Variants in LRRC2 observed in about 807,000 individuals in gnomAD.
LRRC2 encodes leucine-rich repeat-containing protein 2.
A neutral mutation model predicts 40.2 loss-of-function variants in LRRC2; 27 were observed. That is an observed-to-expected ratio of 0.67 (90% CI 0.49 to 0.93). The LOEUF is 0.93. Ranked by LOEUF, LRRC2 falls within the 40% of genes least tolerant of loss-of-function variation. The probability of loss-of-function intolerance (pLI) is 0.00; values close to 1 mark genes in which losing one functional copy is unlikely to be tolerated. For synonymous variants in LRRC2, 147 were observed against 158.9 expected, an observed-to-expected ratio of 0.92 and a Z score of 0.56; for missense variants, 402 against 439.6, an observed-to-expected ratio of 0.91 and a Z score of 0.76.
intron 6 of LRRC2, among the ~76,000 whole-genome samples, 183 bp from the exon 7 acceptor site, chr3:46,527,764 GT>G (rs1304216063): frequency 2.0e-5 from 3 of 151,220 alleles, no homozygotes; most frequent in Non-Finnish European, 2.9e-5. Flanking sequence ...GTGTTATTAT[GT>G]TGCCCAGGTT....
At chr3:46,539,734 G>A (rs559220573) in intron 3 of LRRC2, among the ~76,000 whole-genome samples, 27 of 152,290 alleles carry the variant, frequency 1.8e-4, no homozygotes, top group African/African-American at 6.3e-4. Context: ...TTCCAGTCAC[G>A]CCACCTCCCT....
intron 8 of LRRC2, among the ~76,000 whole-genome samples, chr3:46,519,987 A>G (rs772606736): frequency 2.6e-4 from 40 of 152,092 alleles, no homozygotes; most frequent in Non-Finnish European, 5.0e-4. Flanking sequence ...CATGTGTTCA[A>G]TCTAATACAT....
At chr3:46,542,377 G>A (rs1193613761) in intron 3 of LRRC2, among the ~76,000 whole-genome samples, 2 of 151,864 alleles carry the variant, frequency 1.3e-5, no homozygotes, top group African/African-American at 4.8e-5. Flanking sequence ...GCACCTGTTG[G>A]TTCCAGCTAC....
intron 4 of LRRC2, 133 bp downstream of exon 4, chr3:46,538,912 C>A: frequency 1.1e-6 from 1 of 947,210 alleles, no homozygotes; most frequent in Admixed American, 2.7e-5. Context: ...GGGGAGCCTC[C>A]AAACGGCCCT....
At chr3:46,550,377 C>CTTT (rs34602158) in intron 2 of LRRC2, among the ~76,000 whole-genome samples, 1,115 of 84,028 alleles carry the variant, frequency 0.013, 6 homozygotes, top group Middle Eastern at 0.023. Flanking sequence ...CCTTACACAT[C>CTTT]TTTTTTTTTT....
At chr3:46,533,915 AT>A (rs113681139) in intron 4 of LRRC2, among the ~76,000 whole-genome samples, 3 of 57,466 alleles carry the variant, frequency 5.2e-5, no homozygotes, top group South Asian at 4.8e-4. Flanking sequence ...TTTTTTTTTA[AT>A]TTTTTTTGTT....
chr3:46,559,049 A>T (rs765617836), intron 1 of LRRC2: 1 of 152,248 alleles, frequency 6.6e-6, no homozygotes, highest in African/African-American at 2.4e-5. Flanking sequence ...CATATTTCAA[A>T]ATCACTGAAA....
Position 46,556,617 on chromosome 3 carries a change from C to T in LRRC2, c.-19-5007G>A, listed in dbSNP as rs1575362204. ...TTTTTGAGACAGAGTCTCGCTCTGTCGCCCAAGCTGGAGTGCAGCGGCGTG... is the reference window on the plus strand; with the variant it reads ...TTTTTGAGACAGAGTCTCGCTCTGTTGCCCAAGCTGGAGTGCAGCGGCGTG... On this transcript the variant is annotated intron_variant, in intron 1 of 8. Transcript: ENST00000395905. Among the ~76,000 whole-genome samples the T allele has an allele frequency of 3.2e-5, 4 of 125,398 alleles. No homozygotes were observed. The South Asian group carries it at 1.0e-3, about 32-fold the overall frequency. 82.3% of individuals were successfully genotyped at this position (125,398 alleles called of 152,430 possible).
intron 1 of LRRC2, among the ~76,000 whole-genome samples, chr3:46,556,770 G>C (rs1377381463): frequency 6.6e-6 from 1 of 151,666 alleles, no homozygotes; most frequent in Non-Finnish European, 1.5e-5. Flanking sequence ...GTAGAGACAG[G>C]GTTTCACCAT....
chr3:46,519,684 T>A (rs1703930672), intron 8 of LRRC2, among the ~76,000 whole-genome samples: 1 of 152,166 alleles, frequency 6.6e-6, no homozygotes, highest in Admixed American at 6.5e-5. Flanking sequence ...GCCTGATGAG[T>A]AAAAACTCTC....
chr3:46,521,542 A>G lies in LRRC2; in HGVS notation c.1046T>C (p.Ile349Thr), dbSNP rs769382026. 3.3e-5 allele frequency: 53 copies of G among 1,610,598 alleles called. No homozygotes were observed. The highest frequency in any genetic ancestry group is 1.1e-4 in the East Asian group (5 of 44,868). ...HFDKEVMKAYIEDLKERESVP... is the reference protein window; with the variant it reads ...HFDKEVMKAYTEDLKERESVP... ...CCCACCTCTTTCTTTAAGGTCTTCA[A>G]TATAGGCTTTCATAACTTCTTTATC... The change falls in exon 8 of 9, where the codon ATT becomes ACT. Residue 349 changes from isoleucine (I) to threonine (T), a missense_variant. By Grantham distance (89) the Ile-to-Thr change is moderately conservative. Transcript: ENST00000395905.
chr3:46,543,019 A>G (rs1704429605), intron 3 of LRRC2, among the ~76,000 whole-genome samples: 1 of 152,158 alleles, frequency 6.6e-6, no homozygotes, highest in South Asian at 2.1e-4. Flanking sequence ...GCACTCTAAG[A>G]GGCTGAAAAA....
At chr3:46,545,022 T>C (rs1004524769) in intron 3 of LRRC2, 24 bp downstream of exon 3, 5 of 1,607,804 alleles carry the variant, frequency 3.1e-6, no homozygotes, top group Middle Eastern at 2.2e-4. Context: ...AGCACTGCAT[T>C]GGGCGAGAAC....
At chr3:46,554,963 T>G (rs1704757891) in intron 1 of LRRC2, among the ~76,000 whole-genome samples, 1 of 152,194 alleles carries the variant, frequency 6.6e-6, no homozygotes, top group Non-Finnish European at 1.5e-5. Context: ...TATCTTGTTG[T>G]TTTGATTTGC....
intron 1 of LRRC2, among the ~76,000 whole-genome samples, chr3:46,556,403 A>G (rs1409081783): frequency 2.0e-5 from 3 of 152,084 alleles, no homozygotes; most frequent in Non-Finnish European, 2.9e-5. Flanking sequence ...CTGGGATGAC[A>G]GGCATGAGCC....
chr3:46,549,856 C>T (rs1158375863), intron 2 of LRRC2, among the ~76,000 whole-genome samples: 1 of 152,238 alleles, frequency 6.6e-6, no homozygotes, highest in East Asian at 1.9e-4. Context: ...AGAGTAACCC[C>T]AGATGCTAGG....
intron 3 of LRRC2, among the ~76,000 whole-genome samples, chr3:46,543,896 CAG>C (rs1377079227): frequency 6.6e-6 from 1 of 151,600 alleles, no homozygotes; most frequent in Non-Finnish European, 1.5e-5. Context: ...AAGAGGTTTA[CAG>C]TAATAACCTC....
intron 1 of LRRC2, among the ~76,000 whole-genome samples, chr3:46,554,641 T>TAAAAAA (rs34382739): frequency 0.043 from 5,872 of 136,952 alleles, 182 homozygotes; most frequent in South Asian, 0.13. Context: ...GACTCTGTCT[T>TAAAAAA]AAAAAAAAAA....
chr3:46,553,182 CA>C (rs10676856), intron 1 of LRRC2, among the ~76,000 whole-genome samples: 2,082 of 149,520 alleles, frequency 0.014, 51 homozygotes, highest in African/African-American at 0.048. Flanking sequence ...TTGATCATTG[CA>C]AAAAAAAAAA....
Sources: allele counts gnomAD v4.1 joint callset (sites outside exome capture counted in the v4.1 genomes callset), GRCh38; gene constraint gnomAD v4.1.1; transcripts MANE v1.5; gene names NCBI Gene and HGNC (gene_info 2026-07-23, HGNC 2026-07-21).